Variants in STK3 observed in about 807,000 individuals in gnomAD.
STK3 encodes serine/threonine kinase 3, also known as serine/threonine-protein kinase 3.
A neutral mutation model predicts 58.0 loss-of-function variants in STK3; 41 were observed. That is an observed-to-expected ratio of 0.71 (90% confidence interval 0.55 to 0.92). STK3 has a LOEUF of 0.92. STK3 is among the 40% of genes least tolerant of loss of function. The probability of loss-of-function intolerance (pLI) is 0.00; values close to 1 mark genes in which losing one functional copy is unlikely to be tolerated. For missense variants in STK3, 479 were observed against 602.7 expected (o/e 0.79, Z 2.15); for synonymous variants, 170 against 191.0 (o/e 0.89, Z 0.91).
chr8:98,379,384 TTC>T (rs1817709317), intron 1 of STK3, among the ~76,000 whole-genome samples: 2 of 152,246 alleles, frequency 1.3e-5, no homozygotes, highest in Admixed American at 1.3e-4. Flanking sequence ...CACGTTTCTT[TTC>T]AGGCTCTGTA....
chr8:98,698,573 A>T lies in STK3; in HGVS notation c.684+7894T>A, dbSNP rs375308012. Reference sequence around the variant, plus strand: ...GGGCAGGCCTGGTGGTGACAAAATCACTCAGCATTTGCTTATCTGCAAAGT... The same window carrying T: ...GGGCAGGCCTGGTGGTGACAAAATCTCTCAGCATTTGCTTATCTGCAAAGT... On this transcript the variant is annotated intron_variant, in intron 6 of 10. Coordinates refer to ENST00000419617, the MANE Select transcript of STK3 (RefSeq NM_006281.4). Among the ~76,000 whole-genome samples the T allele has an allele frequency of 9.2e-5, 14 of 152,274 alleles. No individual in the cohort carries two copies. The South Asian group carries it at 1.5e-3, about 16-fold the overall frequency.
At chr8:98,773,221 T>A (rs1313082321) in intron 2 of STK3, among the ~76,000 whole-genome samples, 2 of 152,178 alleles carry the variant, frequency 1.3e-5, no homozygotes, top group Non-Finnish European at 2.9e-5. Flanking sequence ...AAGAGATACA[T>A]TGAAATCTCC....
At chr8:98,587,735 G>C (rs1814785002) in intron 7 of STK3, among the ~76,000 whole-genome samples, 1 of 152,132 alleles carries the variant, frequency 6.6e-6, no homozygotes, top group African/African-American at 2.4e-5. Flanking sequence ...GGGAGTCTAA[G>C]TCTCTTTGTA....
At chr8:98,371,991 G>T (rs145337451) in intron 2 of STK3, among the ~76,000 whole-genome samples, 2,882 of 152,192 alleles carry the variant, frequency 0.019, 44 homozygotes, top group South Asian at 0.075. Flanking sequence ...GGGGGAGGGG[G>T]GTCCTTAAAC....
chr8:98,649,125 A>C (rs959925385), intron 6 of STK3, among the ~76,000 whole-genome samples: 2 of 151,132 alleles, frequency 1.3e-5, no homozygotes, highest in Non-Finnish European at 2.9e-5. Context: ...TCATCTTCCT[A>C]TGTGTCATTA....
downstream of STK3, among the ~76,000 whole-genome samples, chr8:98,453,708 G>T (rs905622148): frequency 6.6e-6 from 1 of 152,132 alleles, no homozygotes; most frequent in South Asian, 2.1e-4. Context: ...AACAGGCCTC[G>T]CTGAGTTAAT....
At chr8:98,898,330 C>G (rs1323124950) in intron 1 of STK3, among the ~76,000 whole-genome samples, 3 of 152,174 alleles carry the variant, frequency 2.0e-5, no homozygotes, top group Non-Finnish European at 4.4e-5. Context: ...ACAACAAACT[C>G]TGTTGAGGCT....
At chr8:98,523,888 T>C (rs1297767636) in intron 10 of STK3, among the ~76,000 whole-genome samples, 1 of 152,236 alleles carries the variant, frequency 6.6e-6, no homozygotes, top group Admixed American at 6.5e-5. Flanking sequence ...ATCTATTTTT[T>C]GTTACTTGTT....
chr8:98,564,642 T>C (rs542675418), intron 8 of STK3, among the ~76,000 whole-genome samples: 1 of 152,276 alleles, frequency 6.6e-6, no homozygotes, highest in African/African-American at 2.4e-5. Flanking sequence ...CACAAAGAAA[T>C]GATAAATGCA....
At chr8:98,377,833 C>T (rs779238653) in intron 2 of STK3, among the ~76,000 whole-genome samples, 15 of 152,054 alleles carry the variant, frequency 9.9e-5, no homozygotes, top group Non-Finnish European at 1.9e-4. Context: ...CCCCTGTAGT[C>T]GAGGCTTTGC....
rs968069611 is a variant in STK3, at chr8:98,858,480, T to A, written c.110+25167A>T. On this transcript the variant is annotated intron_variant, in intron 3 of 12. Transcript: ENST00000523601. ...CCACATCCATCCGGTAATTTTTTTT[T>A]AAACTCTCTCTTGTACCTGTATCTT... Among the ~76,000 whole-genome samples the A allele has an allele frequency of 2.6e-5, 4 of 150,970 alleles. No homozygotes were observed. In the South Asian group the frequency reaches 6.3e-4, roughly 24 times the overall value.
chr8:98,795,409 T>C (rs1018990632), intron 1 of STK3, among the ~76,000 whole-genome samples: 16 of 147,006 alleles, frequency 1.1e-4, no homozygotes, highest in South Asian at 2.1e-4. Context: ...GTAAGAGCCA[T>C]CTATGACAAC....
chr8:98,617,204 G>C (rs1248979747), intron 6 of STK3, among the ~76,000 whole-genome samples: 1 of 151,200 alleles, frequency 6.6e-6, no homozygotes, highest in Non-Finnish European at 1.5e-5. Context: ...ACCTGCTCCT[G>C]AATGACTACT....
At chr8:98,437,282 G>C (rs1194983006) in intron 1 of STK3, 2 of 152,388 alleles carry the variant, frequency 1.3e-5, no homozygotes, top group African/African-American at 4.8e-5. Context: ...AGAGACATTA[G>C]AGCTTTGTAA....
chr8:98,816,595 G>A lies in STK3; in HGVS notation c.26+8920C>T, dbSNP rs564420827. Among the ~76,000 whole-genome samples, 50 of 151,260 alleles carry A rather than the reference G, an allele frequency of 3.3e-4. 2 individuals carry two copies. In the South Asian group the frequency reaches 0.011, roughly 32 times the overall value. Reference sequence around the variant, plus strand: ...GTTGCCCAGGCTAGAGTGCAATGGTGCAATCTCAGCTCACTGCAACCTCCA... The same window carrying A: ...GTTGCCCAGGCTAGAGTGCAATGGTACAATCTCAGCTCACTGCAACCTCCA... On this transcript the variant is annotated intron_variant, in intron 1 of 10. Transcript: ENST00000419617.
chr8:98,805,974 A>C (rs1266270323), intron 1 of STK3, among the ~76,000 whole-genome samples: 1 of 152,086 alleles, frequency 6.6e-6, no homozygotes, highest in Non-Finnish European at 1.5e-5. Flanking sequence ...CACATACACA[A>C]AGAACTAGTC....
chr8:98,858,317 TATATATAGAGAGAG>T (rs1159459363), intron 3 of STK3, among the ~76,000 whole-genome samples: 5 of 49,256 alleles, frequency 1.0e-4, no homozygotes, highest in African/African-American at 1.5e-4. Context: ...TATATATATA[TATATATAGAGAGAG>T]AGAGAGAGAG....
intron 1 of STK3, among the ~76,000 whole-genome samples, chr8:98,924,187 T>C (rs913096331): frequency 1.3e-5 from 2 of 152,204 alleles, no homozygotes; most frequent in African/African-American, 4.8e-5. Context: ...GGCCTCTGCC[T>C]TCTTGTTTCT....
At chr8:98,487,414 C>A (rs1822356052) in intron 10 of STK3, among the ~76,000 whole-genome samples, 1 of 152,186 alleles carries the variant, frequency 6.6e-6, no homozygotes, top group Non-Finnish European at 1.5e-5. Context: ...AATTCCTTCA[C>A]TTAATTCACT....
Sources: allele counts gnomAD v4.1 joint callset (sites outside exome capture counted in the v4.1 genomes callset), GRCh38; gene constraint gnomAD v4.1.1; transcripts MANE v1.5; gene names NCBI Gene and HGNC (gene_info 2026-07-23, HGNC 2026-07-21).